Variants in SLC2A9 observed in about 807,000 individuals in gnomAD.
SLC2A9 encodes the protein solute carrier family 2 member 9, also known as solute carrier family 2, facilitated glucose transporter member 9.
SLC2A9 carries 39 observed loss-of-function variants against 50.6 expected under a neutral mutation model. The observed-to-expected ratio is 0.77, with a 90% confidence interval of 0.60 to 1.01. SLC2A9 has a LOEUF of 1.01. Among genes scored for constraint, SLC2A9 ranks in the 50% least tolerant of loss-of-function variants. The probability of loss-of-function intolerance (pLI) is 0.00; values close to 1 mark genes in which losing one functional copy is unlikely to be tolerated. For synonymous variants in SLC2A9, 324 were observed against 276.9 expected, an observed-to-expected ratio of 1.17 and a Z score of -1.69; for missense variants, 686 against 677.6, an observed-to-expected ratio of 1.01 and a Z score of -0.14.
At chr4:9,988,808 T>C (rs551946746) in intron 3 of SLC2A9, among the ~76,000 whole-genome samples, 12 of 152,338 alleles carry the variant, frequency 7.9e-5, no homozygotes, top group Non-Finnish European at 1.8e-4. Context: ...GGAGGGCATG[T>C]CCCTTCAGAA....
At chr4:9,887,713 G>C (rs1736549792) in intron 9 of SLC2A9, 71 bp from the exon 10 acceptor site, 1 of 1,248,906 alleles carries the variant, frequency 8.0e-7, no homozygotes, top group Non-Finnish European at 1.1e-6. Flanking sequence ...TCCCACCCCA[G>C]CTCCTCCTCC....
chr4:9,798,722 T>C (rs1720914904), downstream of SLC2A9: 1 of 149,228 alleles, frequency 6.7e-6, no homozygotes, highest in Non-Finnish European at 1.5e-5. Context: ...CAAACTTGAG[T>C]ATCAAAGTCA....
intron 5 of SLC2A9, among the ~76,000 whole-genome samples, chr4:9,966,837 T>G (rs867989427): frequency 1.5e-5 from 2 of 134,854 alleles, no homozygotes; most frequent in Non-Finnish European, 3.2e-5. Context: ...AACCAAACAT[T>G]TCCTCTGTTG....
chr4:9,952,206 C>T (rs4292332), intron 5 of SLC2A9, among the ~76,000 whole-genome samples: 2 of 152,076 alleles, frequency 1.3e-5, no homozygotes, highest in Non-Finnish European at 2.9e-5. Flanking sequence ...TGACATAATT[C>T]GAATATATGT....
chr4:9,961,122 G>C (rs1279149840), intron 5 of SLC2A9, among the ~76,000 whole-genome samples: 1 of 152,186 alleles, frequency 6.6e-6, no homozygotes, highest in East Asian at 1.9e-4. Flanking sequence ...GAAAGCAGCA[G>C]AGGTAGAATT....
At chr4:10,020,724 G>A (rs1763401871) in intron 1 of SLC2A9, among the ~76,000 whole-genome samples, 1 of 152,150 alleles carries the variant, frequency 6.6e-6, no homozygotes, top group African/African-American at 2.4e-5. Context: ...TTTGCTCCCA[G>A]CCCCGATGAC....
chr4:9,831,871 C>T (rs1425923796), intron 11 of SLC2A9, among the ~76,000 whole-genome samples: 2 of 152,300 alleles, frequency 1.3e-5, no homozygotes, highest in East Asian at 3.9e-4. Flanking sequence ...CAGCTGTCTG[C>T]TCATCCACCC....
At chr4:9,881,000 G>A (rs1735106633) in intron 10 of SLC2A9, among the ~76,000 whole-genome samples, 1 of 152,188 alleles carries the variant, frequency 6.6e-6, no homozygotes, top group African/African-American at 2.4e-5. Flanking sequence ...CAACAGCCAA[G>A]ACGCTCTGAG....
chr4:9,905,206 A>ATCATCACT (rs1364744058), intron 8 of SLC2A9, among the ~76,000 whole-genome samples: 1 of 152,248 alleles, frequency 6.6e-6, no homozygotes, highest in Non-Finnish European at 1.5e-5. Context: ...CAAGCTCTGA[A>ATCATCACT]TCATCACTTC....
At chr4:9,960,145 A>T (rs1578093054) in intron 5 of SLC2A9, among the ~76,000 whole-genome samples, 1 of 152,354 alleles carries the variant, frequency 6.6e-6, no homozygotes, top group East Asian at 1.9e-4. Flanking sequence ...AGAATTTGAA[A>T]TCTGCCAGAA....
intron 1 of SLC2A9, among the ~76,000 whole-genome samples, chr4:10,027,351 G>GA (rs1327220241): frequency 7.9e-5 from 12 of 152,192 alleles, no homozygotes; most frequent in Middle Eastern, 3.4e-3. Context: ...CCTCATTTTA[G>GA]AAAAAAACGT....
At chr4:9,895,048 G>A (rs1331772716) in intron 8 of SLC2A9, among the ~76,000 whole-genome samples, 1 of 152,172 alleles carries the variant, frequency 6.6e-6, no homozygotes, top group Non-Finnish European at 1.5e-5. Flanking sequence ...AGTTTCAAGT[G>A]CACCACCCAC....
At chr4:9,907,162 T>C (rs1159928954) in intron 8 of SLC2A9, among the ~76,000 whole-genome samples, 1 of 152,262 alleles carries the variant, frequency 6.6e-6, no homozygotes, top group African/African-American at 2.4e-5. Flanking sequence ...TCTCTAATTT[T>C]AGCCCTCTCT....
At chr4:9,817,737 T>C (rs892048400) in intron 3 of SLC2A9, among the ~76,000 whole-genome samples, 4 of 152,184 alleles carry the variant, frequency 2.6e-5, no homozygotes, top group South Asian at 2.1e-4. Flanking sequence ...TCAGTCTTAT[T>C]AAACAATAAA....
chr4:9,802,172 T>G (rs779953965), intron 3 of SLC2A9, among the ~76,000 whole-genome samples: 5 of 152,182 alleles, frequency 3.3e-5, no homozygotes, highest in Non-Finnish European at 5.9e-5. Context: ...AGACGGCCAT[T>G]CCAGCAGAGA....
chr4:9,988,433 A>T (rs1003948524), intron 3 of SLC2A9, among the ~76,000 whole-genome samples: 1 of 152,250 alleles, frequency 6.6e-6, no homozygotes, highest in Admixed American at 6.5e-5. Flanking sequence ...ACGGGAGTGC[A>T]CACTCTCTGG....
Position 9,890,640 on chromosome 4 carries a change from A to G in SLC2A9, c.1185T>C (p.Phe395=), listed in dbSNP as rs1022541989. ...GGGTCAGCGTGATGGTGAGGGTCCC[A>G]AAGAAGAGGCCCATGAGCCCAAAGC... ...IGGFGLMGLF[F]GTLTITLTLQ... is the part of the protein sequence containing the mutation. Residue 395 remains phenylalanine (F), a synonymous_variant, in exon 9 of 12, where the codon TTT becomes TTC. Transcript: ENST00000264784. 3.1e-6 allele frequency: 5 copies of G among 1,614,058 alleles called. No homozygotes were observed. In the African/African-American group the frequency reaches 6.7e-5, roughly 22 times the overall value.
rs116510436 is a variant in SLC2A9, at chr4:9,982,794, C to T, written c.536-2057G>A. Among the ~76,000 whole-genome samples the T allele has an allele frequency of 9.6e-3, 1,462 of 152,318 alleles. 27 individuals carry two copies. Among genetic ancestry groups the T allele is most frequent in the African/African-American group, 0.034 (1,396 of 41,560 alleles). On this transcript the variant is annotated intron_variant, in intron 4 of 11. Transcript: ENST00000264784. ...AATGACAATAATACCATCAGCATTC[C>T]TGGAGTGGGGCACTAAGTGCCTGGA...
intron 4 of SLC2A9, among the ~76,000 whole-genome samples, chr4:9,981,606 G>T (rs1332527238): frequency 1.3e-5 from 2 of 152,186 alleles, no homozygotes; most frequent in African/African-American, 4.8e-5. Flanking sequence ...TAGAGCCCCA[G>T]TGGGTCTCTG....
Sources: gnomAD v4.1 joint callset for allele counts (sites outside exome capture counted in the v4.1 genomes callset) on GRCh38, gnomAD v4.1.1 for gene constraint, MANE v1.5 for transcripts, NCBI Gene and HGNC (gene_info 2026-07-23, HGNC 2026-07-21) for gene names.